RALA: variants seen among roughly 807,000 people sequenced by gnomAD.
The protein encoded by RALA is ras-related protein Ral-A.
Under a neutral mutation model 24.0 loss-of-function variants are expected in RALA, and 5 were observed. That is an observed-to-expected ratio of 0.21 (90% CI 0.11 to 0.44). The LOEUF (loss-of-function observed/expected upper bound fraction) is 0.44, where lower values mean the gene tolerates loss of function less well. Ranked by LOEUF, RALA falls within the 20% of genes least tolerant of loss-of-function variation. RALA has a pLI of 0.99. For missense variants in RALA, 95 were observed against 241.2 expected (o/e 0.39, Z 4.01); for synonymous variants, 77 against 83.8 (o/e 0.92, Z 0.44).
chr7:39,690,593 A>G lies in RALA; in HGVS notation c.323+3A>G, dbSNP rs763041150. The G allele has an allele frequency of 2.5e-6, 4 of 1,601,858 alleles. No homozygotes were observed. The highest frequency in any genetic ancestry group is 1.1e-5 in the South Asian group (1 of 90,488). ...TTTGCAGCTACAGCTGACTTCAGGT[A>G]TGTCCTAGAGTAATGTTGTTGCTTG... On this transcript the variant is annotated splice_donor_region_variant and intron_variant, in intron 3 of 4. Coordinates refer to ENST00000005257, the MANE Select transcript of RALA (RefSeq NM_005402.4).
At chr7:39,686,955 C>T (rs771699090) in intron 2 of RALA, among the ~76,000 whole-genome samples, 174 bp downstream of exon 2, 2 of 152,012 alleles carry the variant, frequency 1.3e-5, no homozygotes, top group African/African-American at 2.4e-5. Context: ...AAATCAGGAA[C>T]TTATGGTCCT....
At chr7:39,690,712 T>C (rs2116082619) in intron 3 of RALA, 122 bp downstream of exon 3, 1 of 762,252 alleles carries the variant, frequency 1.3e-6, no homozygotes, top group East Asian at 2.7e-5. Context: ...ATTGTGTTTA[T>C]TCCCTTTTTG....
intron 1 of RALA, among the ~76,000 whole-genome samples, chr7:39,680,475 C>T (rs1792573239): frequency 6.6e-6 from 1 of 151,248 alleles, no homozygotes; most frequent in African/African-American, 2.4e-5. Flanking sequence ...GCTCGGAAGG[C>T]TGAGGCAGGA....
rs1386522388 is a variant in RALA, at chr7:39,707,764, C to T, written c.*1519C>T. ...AAAATAGGCTTTTTAGGAACTCACTCTTTAGATATTTACATCCAGCTTCTC... is the reference window on the plus strand; with the variant it reads ...AAAATAGGCTTTTTAGGAACTCACTTTTTAGATATTTACATCCAGCTTCTC... On this transcript the variant is annotated 3_prime_UTR_variant, in exon 5 of 5. Transcript: ENST00000005257. 1 of 152,606 alleles carries T rather than the reference C, an allele frequency of 6.6e-6. No individual in the cohort carries two copies. Among genetic ancestry groups the T allele is most frequent in the Admixed American group, 6.5e-5 (1 of 15,280 alleles). The allele number at this position is 152,606 out of a possible 1,614,324, so 9.5% of individuals were successfully genotyped here. A position where few individuals can be genotyped will look rare whatever the true frequency, so the allele number is the denominator to read the frequency against.
At position 39,634,149 on chromosome 7, in the gene RALA, T is replaced by C. The variant is rs1791646730; in HGVS notation, c.-38+10324T>C. ...TTACAACTCTCAGTCCATGGCCTGT[T>C]GTCCATCTTTGCTGTCCCAGGAGTG... is the stretch of plus-strand genomic sequence containing the variant. On this transcript the variant is annotated intron_variant, in intron 1 of 4. Coordinates refer to ENST00000005257, the MANE Select transcript of RALA (RefSeq NM_005402.4). Among the ~76,000 whole-genome samples the C allele has an allele frequency of 3.3e-5, 5 of 152,182 alleles. No individual in the cohort carries two copies. The South Asian group carries it at 1.0e-3, about 31-fold the overall frequency.
At chr7:39,688,816 G>A (rs979672975) in intron 2 of RALA, among the ~76,000 whole-genome samples, 1 of 152,082 alleles carries the variant, frequency 6.6e-6, no homozygotes, top group Non-Finnish European at 1.5e-5. Context: ...TGACACTGGG[G>A]TAATTTATGA....
chr7:39,643,205 C>T (rs1207671858), intron 1 of RALA, among the ~76,000 whole-genome samples: 3 of 152,212 alleles, frequency 2.0e-5, no homozygotes, highest in Non-Finnish European at 4.4e-5. Flanking sequence ...CACCTTTGAG[C>T]ATCCATATAA....
At chr7:39,643,934 A>G (rs1184547010) in intron 1 of RALA, among the ~76,000 whole-genome samples, 2 of 152,212 alleles carry the variant, frequency 1.3e-5, no homozygotes, top group Non-Finnish European at 2.9e-5. Context: ...GTTCCACATT[A>G]CAGGGCTATT....
intron 1 of RALA, among the ~76,000 whole-genome samples, chr7:39,632,294 C>A (rs1439250050): frequency 1.3e-5 from 2 of 152,000 alleles, no homozygotes; most frequent in Non-Finnish European, 2.9e-5. Flanking sequence ...TTTTTTCCTT[C>A]TTTTCCAGTG....
chr7:39,686,924 C>G, intron 2 of RALA, 143 bp downstream of exon 2: 1 of 519,558 alleles, frequency 1.9e-6, no homozygotes, highest in African/African-American at 1.9e-5. Context: ...TTAGAGCCAT[C>G]TGTACATAAC....
At chr7:39,638,675 G>A (rs1229680487) in intron 1 of RALA, among the ~76,000 whole-genome samples, 1 of 152,088 alleles carries the variant, frequency 6.6e-6, no homozygotes, top group African/African-American at 2.4e-5. Context: ...TGAAACTCCT[G>A]GGCTCAAGCA....
At chr7:39,640,888 C>G (rs1305539977) in intron 1 of RALA, among the ~76,000 whole-genome samples, 2 of 152,158 alleles carry the variant, frequency 1.3e-5, no homozygotes, top group Admixed American at 1.3e-4. Flanking sequence ...CAGAATTTTG[C>G]CATTTTTTTC....
Position 39,696,866 on chromosome 7 carries a change from C to T in RALA, c.498+7C>T, listed in dbSNP as rs761733924. Reference sequence around the variant, plus strand: ...ACGAGCTAATGTTGACAAGGTAACACGTGACTCTTTACTACTGCATCATGT... The same window carrying T: ...ACGAGCTAATGTTGACAAGGTAACATGTGACTCTTTACTACTGCATCATGT... On this transcript the variant is annotated splice_region_variant and intron_variant, in intron 4 of 4. Coordinates refer to ENST00000005257, the MANE Select transcript of RALA (RefSeq NM_005402.4). 3.1e-6 allele frequency: 5 copies of T among 1,607,032 alleles called. No homozygotes were observed. The highest frequency in any genetic ancestry group is 1.7e-5 in the Admixed American group (1 of 58,698).
At position 39,700,166 on chromosome 7, in the gene RALA, T is replaced by C. The variant is rs117080054; in HGVS notation, c.498+3307T>C. On this transcript the variant is annotated intron_variant, in intron 4 of 4. Coordinates refer to ENST00000005257, the MANE Select transcript of RALA (RefSeq NM_005402.4). ...AAAGGTATAAGGCCGTTTTAGTTACTATGGCTGTATAACAAAGTACACCCC... is the reference window on the plus strand; with the variant it reads ...AAAGGTATAAGGCCGTTTTAGTTACCATGGCTGTATAACAAAGTACACCCC... Among the ~76,000 whole-genome samples the C allele has an allele frequency of 9.2e-4, 140 of 152,346 alleles. 3 individuals carry two copies. In the East Asian group the frequency reaches 0.025, roughly 28 times the overall value.
At chr7:39,694,968 A>T (rs1053620025) in intron 3 of RALA, among the ~76,000 whole-genome samples, 9 of 151,906 alleles carry the variant, frequency 5.9e-5, no homozygotes, top group African/African-American at 2.2e-4. Context: ...TTGAGGTAAG[A>T]GAATTGCTTG....
intron 4 of RALA, 151 bp downstream of exon 4, chr7:39,697,010 A>G: frequency 1.3e-6 from 1 of 742,254 alleles, no homozygotes; most frequent in Middle Eastern, 2.4e-4. Context: ...GATACATGTT[A>G]GGAATTTTAG....
At chr7:39,661,985 A>G (rs1417045203) in intron 1 of RALA, among the ~76,000 whole-genome samples, 2 of 152,128 alleles carry the variant, frequency 1.3e-5, no homozygotes, top group East Asian at 1.9e-4. Context: ...CTGTGCACTC[A>G]CAGGCTCAAC....
At position 39,690,504 on chromosome 7, in the gene RALA, A is replaced by G; in HGVS notation, c.237A>G (p.Arg79=). The G allele has an allele frequency of 1.2e-6, 2 of 1,614,060 alleles. No homozygotes were observed. Among genetic ancestry groups the G allele is most frequent in the Non-Finnish European group, 1.7e-6 (2 of 1,179,942 alleles). ...GGCAGGAGGACTACGCTGCAATTAG[A>G]GACAACTACTTCCGAAGTGGGGAGG... ...TAGQEDYAAI[R]DNYFRSGEGF... Residue 79 remains arginine, a synonymous_variant, in exon 3 of 5, where the codon AGA becomes AGG. Transcript: ENST00000005257.
chr7:39,671,699 G>A (rs1792391419), intron 1 of RALA, among the ~76,000 whole-genome samples: 1 of 152,116 alleles, frequency 6.6e-6, no homozygotes. Context: ...TGCAGACAAG[G>A]CAAAACGTTA....
Sources: gnomAD v4.1 joint callset for allele counts (sites outside exome capture counted in the v4.1 genomes callset) on GRCh38, gnomAD v4.1.1 for gene constraint, MANE v1.5 for transcripts, NCBI Gene and HGNC (gene_info 2026-07-23, HGNC 2026-07-21) for gene names.